COL27A1: variants seen among roughly 807,000 people sequenced by gnomAD.
The protein encoded by COL27A1 is collagen alpha-1(XXVII) chain.
A neutral mutation model predicts 251.3 loss-of-function variants in COL27A1; 106 were observed. The observed-to-expected ratio is 0.42, with a 90% CI of 0.36 to 0.50. The LOEUF is 0.50. COL27A1 is among the 20% of genes least tolerant of loss of function. The pLI is 0.00. For synonymous variants in COL27A1, 1,000 were observed against 986.3 expected, an observed-to-expected ratio of 1.01 and a Z score of -0.26; for missense variants, 2,325 against 2,522.8, an observed-to-expected ratio of 0.92 and a Z score of 1.68.
At position 114,269,261 on chromosome 9, in the gene COL27A1, C is replaced by G; in HGVS notation, c.3522C>G (p.Gly1174=). The G allele has an allele frequency of 6.2e-7, 1 of 1,605,700 alleles. No homozygotes were observed. The highest frequency in any genetic ancestry group is 8.5e-7 in the Non-Finnish European group (1 of 1,175,488). Reference sequence around the variant, plus strand: ...CCTAGGGTGACCTTGGACCCCTGGGCACTCCTGGGGAGCAGGGCCTCATTG... The same window carrying G: ...CCTAGGGTGACCTTGGACCCCTGGGGACTCCTGGGGAGCAGGGCCTCATTG... ...AGMKGDLGPL[G]TPGEQGLIGQ... Residue 1174 remains glycine, a synonymous_variant, in exon 35 of 61, where the codon GGC becomes GGG. Transcript: ENST00000356083.
In COL27A1 at chr9:114,168,124, C is replaced by A; in HGVS notation, c.569C>A (p.Ala190Glu). Residue 190 changes from alanine to glutamate, a missense_variant, in exon 3 of 61, where the codon GCA becomes GAA. By Grantham distance (107) the Ala-to-Glu change is moderately radical (BLOSUM62 -1). Coordinates refer to ENST00000356083, the MANE Select transcript of COL27A1 (RefSeq NM_032888.4). Reference protein sequence around the residue: ...PVLLPFHRDPALDPGGSFLFG... With the variant: ...PVLLPFHRDPELDPGGSFLFG... ...CTGCTGCCTTTCCACAGGGACCCTG[C>A]ACTCGACCCTGGGGGCTCCTTCCTC... The A allele has an allele frequency of 6.2e-7, 1 of 1,612,838 alleles. No individual in the cohort carries two copies. The highest frequency in any genetic ancestry group is 8.5e-7 in the Non-Finnish European group (1 of 1,180,032).
chr9:114,256,471 C>T (rs796544757), intron 27 of COL27A1, among the ~76,000 whole-genome samples: 11 of 152,222 alleles, frequency 7.2e-5, no homozygotes, highest in African/African-American at 2.2e-4. Context: ...CCAGCCTGGG[C>T]GACAGAGCAA....
chr9:114,297,450 T>G (rs1044434662), intron 49 of COL27A1, among the ~76,000 whole-genome samples: 30 of 151,352 alleles, frequency 2.0e-4, no homozygotes, highest in Non-Finnish European at 1.5e-5. Flanking sequence ...AAAACCAAAT[T>G]CAGCAATATG....
chr9:114,219,221 C>G (rs1830919328), intron 12 of COL27A1, among the ~76,000 whole-genome samples: 1 of 152,206 alleles, frequency 6.6e-6, no homozygotes, highest in Admixed American at 6.5e-5. Flanking sequence ...CTCAGCATCT[C>G]TCTGAGCTGC....
chr9:114,302,050 T>G, intron 55 of COL27A1, 32 bp from the exon 56 acceptor site: 1 of 1,604,098 alleles, frequency 6.2e-7, no homozygotes, highest in Non-Finnish European at 8.5e-7. Flanking sequence ...ACTGTCCCTG[T>G]CATTTGACTG....
At chr9:114,301,762 C>T (rs756195958) in intron 55 of COL27A1, 45 bp downstream of exon 55, 8 of 1,578,702 alleles carry the variant, frequency 5.1e-6, no homozygotes, top group Non-Finnish European at 6.1e-6. Flanking sequence ...CTGGGGGGTT[C>T]CTTTGAAGGA....
chr9:114,293,618 G>T (rs1470401658), intron 49 of COL27A1, among the ~76,000 whole-genome samples: 1 of 150,044 alleles, frequency 6.7e-6, no homozygotes, highest in Non-Finnish European at 1.5e-5. Context: ...CCTCTTGCCA[G>T]ACTAATCAGG....
At chr9:114,303,361 C>T (rs1828804386) in intron 56 of COL27A1, among the ~76,000 whole-genome samples, 1 of 151,630 alleles carries the variant, frequency 6.6e-6, no homozygotes, top group African/African-American at 2.4e-5. Context: ...GCCTCAGCCT[C>T]CTGAATAGCT....
At chr9:114,211,448 T>C (rs1028164837) in intron 12 of COL27A1, among the ~76,000 whole-genome samples, 1 of 152,226 alleles carries the variant, frequency 6.6e-6, no homozygotes, top group African/African-American at 2.4e-5. Flanking sequence ...AGTTTGCTCA[T>C]GCACACGCAA....
At chr9:114,198,858 G>A (rs1472912155) in intron 7 of COL27A1, among the ~76,000 whole-genome samples, 1 of 152,192 alleles carries the variant, frequency 6.6e-6, no homozygotes, top group East Asian at 1.9e-4. Flanking sequence ...GCTTGGGCAA[G>A]TTGCCTCACC....
intron 2 of COL27A1, among the ~76,000 whole-genome samples, chr9:114,165,989 CCA>C: frequency 6.6e-6 from 1 of 151,708 alleles, no homozygotes; most frequent in East Asian, 2.0e-4. Context: ...ATCTATTCAT[CCA>C]TCCATTCATC....
intron 39 of COL27A1, 148 bp from the exon 40 acceptor site, chr9:114,283,561 C>T: frequency 1.5e-6 from 1 of 669,370 alleles, no homozygotes; most frequent in Non-Finnish European, 2.6e-6. Flanking sequence ...ATGTTACTGG[C>T]TTTCCGCCTT....
At chr9:114,214,817 G>C (rs544459946) in intron 12 of COL27A1, among the ~76,000 whole-genome samples, 28 of 152,330 alleles carry the variant, frequency 1.8e-4, no homozygotes, top group Admixed American at 1.4e-3. Context: ...AGGGGTCCAG[G>C]TGGAAAATGT....
chr9:114,285,371 G>A (rs1827393983), intron 41 of COL27A1, among the ~76,000 whole-genome samples: 1 of 152,178 alleles, frequency 6.6e-6, no homozygotes, highest in Admixed American at 6.5e-5. Context: ...TGGAGGGCCA[G>A]GAGTGCCAGA....
chr9:114,166,097 A>G (rs1475034762), intron 2 of COL27A1, among the ~76,000 whole-genome samples: 1 of 150,492 alleles, frequency 6.6e-6, no homozygotes, highest in African/African-American at 2.5e-5. Flanking sequence ...CCATCCATTC[A>G]TCTATCTATC....
chr9:114,290,638 C>T lies in COL27A1; in HGVS notation c.4369-172C>T, dbSNP rs574954111. 9.1e-4 allele frequency among the ~76,000 whole-genome samples: 138 copies of T among 152,300 alleles called. No individual in the cohort carries two copies. The highest frequency in any genetic ancestry group is 3.3e-3 in the African/African-American group (136 of 41,556). ...GCCCTTCCCCACTCACAATCCTCAG[C>T]TCCTCCTGTCCTCCTGGTCCAGCCA... On this transcript the variant is annotated intron_variant, in intron 47 of 60. Transcript: ENST00000356083. The surrounding 1 kb of genome is among the most constrained non-coding windows in gnomAD (Gnocchi z 4.6).
In COL27A1 at chr9:114,237,015, G is replaced by A. The variant is rs199597099; in HGVS notation, c.2654G>A (p.Arg885Gln). Residue 885 changes from arginine to glutamine, a missense_variant, in exon 18 of 61, where the codon CGG becomes CAG. Transcript: ENST00000356083. ...SQGLPGFPGA[R>Q]GKPGPLGKVG... Reference sequence around the variant, plus strand: ...GGGTTGCCAGGGTTCCCCGGTGCACGGGGGAAGCCAGGGCCTCTGGTAAGT... The same window carrying A: ...GGGTTGCCAGGGTTCCCCGGTGCACAGGGGAAGCCAGGGCCTCTGGTAAGT... 141 of 1,610,292 alleles carry A rather than the reference G, an allele frequency of 8.8e-5. No individual in the cohort carries two copies. The highest frequency in any genetic ancestry group is 3.3e-4 in the Middle Eastern group (2 of 6,052).
upstream of COL27A1, among the ~76,000 whole-genome samples, chr9:114,155,054 A>G (rs750120717): frequency 6.6e-6 from 1 of 152,018 alleles, no homozygotes; most frequent in Non-Finnish European, 1.5e-5. The surrounding 1 kb of genome is among the most constrained non-coding windows in gnomAD (Gnocchi z 5.5). Context: ...ACCCTTAACA[A>G]GCCCACCCTA....
At chr9:114,239,248 G>A (rs10982120) in intron 19 of COL27A1, among the ~76,000 whole-genome samples, 2 of 152,220 alleles carry the variant, frequency 1.3e-5, no homozygotes, top group South Asian at 2.1e-4. Flanking sequence ...TCAGCATCCC[G>A]ACTGCTAAGT....
Sources: allele counts gnomAD v4.1 joint callset (sites outside exome capture counted in the v4.1 genomes callset), GRCh38; gene constraint gnomAD v4.1.1; non-coding constraint Gnocchi (gnomAD v3.1); transcripts MANE v1.5; gene names NCBI Gene and HGNC (gene_info 2026-07-23, HGNC 2026-07-21).